The following PTPRN2 variants were observed in gnomAD, a reference collection of about 807,000 sequenced individuals.
The protein encoded by PTPRN2 is receptor-type tyrosine-protein phosphatase N2.
A neutral mutation model predicts 118.8 loss-of-function variants in PTPRN2; 74 were observed. The ratio of observed to expected loss-of-function variants is 0.62; its 90% CI spans 0.52 to 0.76. The LOEUF (loss-of-function observed/expected upper bound fraction) is 0.76, where lower values mean the gene tolerates loss of function less well. PTPRN2 is among the 30% of genes least tolerant of loss of function. PTPRN2 has a pLI of 0.00. For synonymous variants in PTPRN2, 641 were observed against 608.0 expected (o/e 1.05, Z -0.80); for missense variants, 1,481 against 1,394.4 (o/e 1.06, Z -0.99).
intron 12 of PTPRN2, among the ~76,000 whole-genome samples, chr7:157,685,734 G>A (rs1438619356): frequency 2.0e-5 from 3 of 152,318 alleles, no homozygotes; most frequent in African/African-American, 7.2e-5. Context: ...TTTACTCAAA[G>A]GTCAAAGAAA....
intron 2 of PTPRN2, among the ~76,000 whole-genome samples, chr7:158,392,502 C>G (rs1031023153): frequency 4.6e-5 from 7 of 152,234 alleles, no homozygotes; most frequent in African/African-American, 1.7e-4. Context: ...AGCTGCTTCT[C>G]TTGGCCAGCA....
intron 11 of PTPRN2, among the ~76,000 whole-genome samples, chr7:157,952,962 A>G (rs182846967): frequency 1.4e-4 from 22 of 152,100 alleles, no homozygotes; most frequent in African/African-American, 3.4e-4. Context: ...AGCCATGCAC[A>G]CAGTGAAGGG....
chr7:157,754,800 C>T (rs1389787914), intron 12 of PTPRN2, among the ~76,000 whole-genome samples: 3 of 152,238 alleles, frequency 2.0e-5, no homozygotes, highest in Non-Finnish European at 4.4e-5. Flanking sequence ...GGCGTAAACA[C>T]TGGAGCTGCA....
intron 1 of PTPRN2, among the ~76,000 whole-genome samples, chr7:158,501,113 A>AT (rs1162085037): frequency 6.6e-6 from 1 of 152,096 alleles, no homozygotes; most frequent in African/African-American, 2.4e-5. Flanking sequence ...GTGCTTTTCT[A>AT]TTTTCATTAT....
intron 2 of PTPRN2, among the ~76,000 whole-genome samples, chr7:158,337,817 C>T (rs1278566420): frequency 3.0e-4 from 2 of 6,738 alleles, no homozygotes; most frequent in African/African-American, 4.5e-4. Flanking sequence ...CGCCCATAGA[C>T]GTCACTCACA....
intron 9 of PTPRN2, among the ~76,000 whole-genome samples, chr7:158,126,671 A>G (rs968067968): frequency 6.7e-6 from 1 of 148,238 alleles, no homozygotes; most frequent in Non-Finnish European, 1.5e-5. Context: ...CCCCCAGGAC[A>G]GCGGGCGGCG....
chr7:157,773,530 T>C (rs1164435505), intron 12 of PTPRN2, among the ~76,000 whole-genome samples: 3 of 152,232 alleles, frequency 2.0e-5, no homozygotes, highest in Non-Finnish European at 4.4e-5. Flanking sequence ...ATCAGCCCGC[T>C]GCGAGGGCCA....
chr7:158,518,956 G>C (rs1016656615), intron 1 of PTPRN2, among the ~76,000 whole-genome samples: 1 of 152,160 alleles, frequency 6.6e-6, no homozygotes, highest in Non-Finnish European at 1.5e-5. Flanking sequence ...CTGCACTCCA[G>C]CCTGGGTGAC....
intron 3 of PTPRN2, among the ~76,000 whole-genome samples, chr7:158,314,379 G>A (rs1007163618): frequency 3.3e-5 from 5 of 152,256 alleles, no homozygotes; most frequent in African/African-American, 1.2e-4. Flanking sequence ...CTCAGAAAAT[G>A]TGACACAGTT....
intron 12 of PTPRN2, among the ~76,000 whole-genome samples, chr7:157,696,718 T>C (rs943394022): frequency 6.7e-6 from 1 of 148,876 alleles, no homozygotes; most frequent in African/African-American, 2.5e-5. Context: ...ATACTGGGTC[T>C]TAGCAGAGCC....
intron 2 of PTPRN2, among the ~76,000 whole-genome samples, chr7:158,364,844 A>G (rs147179338): frequency 6.6e-6 from 1 of 152,310 alleles, no homozygotes; most frequent in African/African-American, 2.4e-5. Flanking sequence ...GGAAAGTCAT[A>G]GGCACTTGAC....
At chr7:158,079,513 T>C (rs557117747) in intron 11 of PTPRN2, among the ~76,000 whole-genome samples, 1 of 152,390 alleles carries the variant, frequency 6.6e-6, no homozygotes, top group East Asian at 1.9e-4. Context: ...TATATTGTTA[T>C]GATTTTTAAA....
At chr7:157,839,641 T>C (rs1321535297) in intron 12 of PTPRN2, among the ~76,000 whole-genome samples, 1 of 151,862 alleles carries the variant, frequency 6.6e-6, no homozygotes, top group East Asian at 1.9e-4. Context: ...TGTATGACTG[T>C]GTGGCTATGT....
intron 1 of PTPRN2, among the ~76,000 whole-genome samples, chr7:158,575,687 A>T (rs910166361): frequency 9.9e-5 from 15 of 152,008 alleles, no homozygotes; most frequent in African/African-American, 3.4e-4. Flanking sequence ...CTATATTTCA[A>T]CCCCTCAGAA....
Position 157,986,532 on chromosome 7 carries a change from C to T in PTPRN2, c.1724-87795G>A, listed in dbSNP as rs1394544363. On this transcript the variant is annotated intron_variant, in intron 11 of 22. Transcript: ENST00000389418. This position sits in a 1 kb window ranked among gnomAD's most constrained non-coding sequence, Gnocchi z 4.5. ...CATGCCTGCCTCTCCCAGGTGGCAT[C>T]TCCTCTCTGTGGTCCTTTCCCTCCT... 6.6e-6 allele frequency among the ~76,000 whole-genome samples: 1 copy of T among 152,180 alleles called. No homozygotes were observed. Among genetic ancestry groups the T allele is most frequent in the African/African-American group, 2.4e-5 (1 of 41,454 alleles).
rs538538191 is a variant in PTPRN2, at chr7:158,001,633, TAAAACGGCCG to T, written c.1723+79655_1723+79664del. On this transcript the variant is annotated intron_variant, in intron 11 of 22. Transcript: ENST00000389418. ...CAGACGCAGGCAGTGTAGTAGATGG[TAAAACGGCCG>T]AAAACCATCAGCAGCCTCAGGACCG... Among the ~76,000 whole-genome samples, 22 of 152,142 alleles carry T rather than the reference TAAAACGGCCG, an allele frequency of 1.4e-4. No homozygotes were observed. In the East Asian group the frequency reaches 4.3e-3, roughly 30 times the overall value.
intron 11 of PTPRN2, among the ~76,000 whole-genome samples, chr7:157,976,146 C>G (rs2128822884): frequency 6.6e-6 from 1 of 152,366 alleles, no homozygotes; most frequent in East Asian, 1.9e-4. Flanking sequence ...GGAAAGGGGC[C>G]TCAGCCAGGG....
intron 2 of PTPRN2, among the ~76,000 whole-genome samples, chr7:158,415,082 ACCAGC>A (rs1814544733): frequency 6.6e-6 from 1 of 151,410 alleles, no homozygotes; most frequent in Non-Finnish European, 1.5e-5. Context: ...TGATGATACA[ACCAGC>A]TACTTCTCTG....
rs542481619 is a variant in PTPRN2, at chr7:157,781,143, C to A, written c.1789-98206G>T. ...AGTGCTTGCGGTCCTATGGCCAGAG[C>A]ACTGCCCTGCCACAGCCCTGACCCC... On this transcript the variant is annotated intron_variant, in intron 12 of 22. Transcript: ENST00000389418. 5.3e-5 allele frequency among the ~76,000 whole-genome samples: 8 copies of A among 152,334 alleles called. No homozygotes were observed. In the South Asian group the frequency reaches 8.3e-4, roughly 16 times the overall value.
Sources: allele counts gnomAD v4.1 joint callset (sites outside exome capture counted in the v4.1 genomes callset), GRCh38; gene constraint gnomAD v4.1.1; non-coding constraint Gnocchi (gnomAD v3.1); transcripts MANE v1.5; gene names NCBI Gene and HGNC (gene_info 2026-07-23, HGNC 2026-07-21).